Variants in CNTLN observed in about 807,000 individuals in gnomAD.
The protein encoded by CNTLN is centlein, centrosomal protein.
In CNTLN, 212 loss-of-function variants were observed where a neutral mutation model predicts 180.0. The observed-to-expected ratio is 1.18, with a 90% CI of 1.05 to 1.32. The LOEUF is 1.32. CNTLN is among the 40% of genes most tolerant of loss of function. The pLI is 0.00. For synonymous variants in CNTLN, 722 were observed against 563.1 expected (o/e 1.28, Z -3.99); for missense variants, 2,095 against 1,610.9 (o/e 1.30, Z -5.14).
rs35350865 is a variant in CNTLN at position 17,440,588 on chromosome 9, C to CAAAAAAAAA, written c.3115-16930_3115-16922dup. Among the ~76,000 whole-genome samples the CAAAAAAAAA allele has an allele frequency of 1.6e-4, 18 of 114,654 alleles. No individual in the cohort carries two copies. In the South Asian group the frequency reaches 5.3e-3, roughly 34 times the overall value. 75.2% of individuals were successfully genotyped at this position (114,654 alleles called of 152,430 possible). A position where few individuals can be genotyped will look rare whatever the true frequency, so the allele number is the denominator to read the frequency against. The stretch of plus-strand genomic sequence containing the variant: ...TGGGCGACGGAGCGAGACTCCGTCT[C>CAAAAAAAAA]AAAAAAAAAAAAAAGAACTGAAAAC... On this transcript the variant is annotated intron_variant, in intron 18 of 25. Transcript: ENST00000380647.
At chr9:17,523,979 T>C in the CNTLN span, among the ~76,000 whole-genome samples, 1 of 152,238 alleles carries the variant, frequency 6.6e-6, no homozygotes, top group Admixed American at 6.5e-5. Context: ...TGCTTTTTCC[T>C]CTTAGAAACG....
intron 13 of CNTLN, among the ~76,000 whole-genome samples, chr9:17,377,911 C>G (rs1273589768): frequency 6.6e-6 from 1 of 152,124 alleles, no homozygotes; most frequent in African/African-American, 2.4e-5. Flanking sequence ...ATAATTTGTT[C>G]TAGATCACAT....
intron 5 of CNTLN, among the ~76,000 whole-genome samples, chr9:17,259,142 C>T (rs1408859066): frequency 1.5e-4 from 22 of 145,306 alleles, no homozygotes; most frequent in Admixed American, 3.4e-4. Context: ...TTTTGAAATA[C>T]GTCCCATCAA....
At chr9:17,377,190 A>G (rs141665007) in intron 13 of CNTLN, among the ~76,000 whole-genome samples, 4 of 152,326 alleles carry the variant, frequency 2.6e-5, no homozygotes, top group African/African-American at 9.6e-5. Flanking sequence ...ACATTTTTAA[A>G]AGCCATGGCT....
chr9:17,275,892 A>G (rs751544715), intron 6 of CNTLN, among the ~76,000 whole-genome samples: 1 of 152,082 alleles, frequency 6.6e-6, no homozygotes, highest in African/African-American at 2.4e-5. Context: ...CAAAAAACCA[A>G]ATACTTCATG....
chr9:17,466,547 T>C (rs1187775417), intron 22 of CNTLN, among the ~76,000 whole-genome samples, 159 bp from the exon 23 acceptor site: 1 of 151,592 alleles, frequency 6.6e-6, no homozygotes, highest in Non-Finnish European at 1.5e-5. Flanking sequence ...GTACTTAGGA[T>C]GTTTTATTGA....
chr9:17,416,805 T>C (rs996574186), intron 18 of CNTLN, among the ~76,000 whole-genome samples: 2 of 152,152 alleles, frequency 1.3e-5, no homozygotes, highest in African/African-American at 4.8e-5. Flanking sequence ...GATTTTTTGT[T>C]CTTTAGGTCT....
intron 6 of CNTLN, among the ~76,000 whole-genome samples, chr9:17,285,312 T>C (rs1484784914): frequency 2.0e-5 from 3 of 150,732 alleles, no homozygotes; most frequent in Admixed American, 6.6e-5. Context: ...ATTTCATCCA[T>C]GTCCCTACAA....
At chr9:17,283,960 G>A (rs1464652521) in intron 6 of CNTLN, among the ~76,000 whole-genome samples, 1 of 152,100 alleles carries the variant, frequency 6.6e-6, no homozygotes, top group Non-Finnish European at 1.5e-5. Context: ...TGATCGTGGT[G>A]GATAAGCTTT....
chr9:17,264,714 A>T (rs375439042), intron 5 of CNTLN, among the ~76,000 whole-genome samples: 1 of 151,882 alleles, frequency 6.6e-6, no homozygotes, highest in Non-Finnish European at 1.5e-5. Context: ...CTTTTATTTC[A>T]TTGAGCAGTG....
chr9:17,164,955 C>T (rs948410130), intron 2 of CNTLN, among the ~76,000 whole-genome samples: 1 of 151,324 alleles, frequency 6.6e-6, no homozygotes, highest in Non-Finnish European at 1.5e-5. Context: ...CCTGCCTCAG[C>T]CTCCCAAGTA....
downstream of CNTLN, among the ~76,000 whole-genome samples, chr9:17,505,877 T>C (rs1833924826): frequency 6.6e-6 from 1 of 152,060 alleles, no homozygotes; most frequent in Non-Finnish European, 1.5e-5. Flanking sequence ...TCAAGGTGTA[T>C]TAAATAGCTA....
At chr9:17,418,566 G>A (rs1828449551) in intron 18 of CNTLN, among the ~76,000 whole-genome samples, 1 of 151,910 alleles carries the variant, frequency 6.6e-6, no homozygotes, top group South Asian at 2.1e-4. Flanking sequence ...ACTGAACTTA[G>A]GTAAACAGAT....
chr9:17,190,984 T>C (rs1409507295), intron 2 of CNTLN, among the ~76,000 whole-genome samples: 4 of 152,226 alleles, frequency 2.6e-5, no homozygotes, highest in Non-Finnish European at 5.9e-5. Flanking sequence ...CAGTTCATAA[T>C]GCCCTTACTA....
rs954209292 is a variant in CNTLN at position 17,341,166 on chromosome 9, G to C, written c.1766+218G>C. 3.3e-5 allele frequency among the ~76,000 whole-genome samples: 5 copies of C among 152,078 alleles called. No homozygotes were observed. The East Asian group carries it at 9.6e-4, about 29-fold the overall frequency. ...CTCACATTTGCAGATATCATTAGCA[G>C]TCAATGATTATGAATTATTGTACAC... On this transcript the variant is annotated intron_variant, in intron 11 of 25. Transcript: ENST00000380647.
In CNTLN at chr9:17,466,110, GA is replaced by G; in HGVS notation, c.3668del (p.Lys1223ArgfsTer8). 6 of 1,596,394 alleles carry G rather than the reference GA, an allele frequency of 3.8e-6. No individual in the cohort carries two copies. Among genetic ancestry groups the G allele is most frequent in the East Asian group, 2.3e-5 (1 of 44,392 alleles). ...GTATCAGAAATCTAAAGAGGAGTTAGAAAAAAAGGTATGCTTTTAAAAAGGG... is the reference window on the plus strand; with the variant it reads ...GTATCAGAAATCTAAAGAGGAGTTAGAAAAAAGGTATGCTTTTAAAAAGGG... The part of the protein sequence containing the change: ...QMYQKSKEEL[E>X]KKDLKLTLLV... On this transcript the variant is annotated frameshift_variant, in exon 22 of 26. Transcript: ENST00000380647. LOFTEE classifies it high-confidence loss of function.
chr9:17,342,200 A>G (rs1821535056), intron 11 of CNTLN, 125 bp from the exon 12 acceptor site: 5 of 940,256 alleles, frequency 5.3e-6, no homozygotes. Flanking sequence ...AATTCATTCA[A>G]TAAATGGTGA....
At chr9:17,278,034 A>G (rs1828423569) in intron 6 of CNTLN, among the ~76,000 whole-genome samples, 1 of 152,156 alleles carries the variant, frequency 6.6e-6, no homozygotes, top group Non-Finnish European at 1.5e-5. Flanking sequence ...GAAGCTGCCC[A>G]ATAAGACCAA....
the CNTLN span, among the ~76,000 whole-genome samples, chr9:17,513,392 A>G: frequency 3.9e-5 from 6 of 152,170 alleles, no homozygotes; most frequent in Non-Finnish European, 7.3e-5. Context: ...TAAATATAGA[A>G]CTTAAGAAAT....
Sources: allele counts gnomAD v4.1 joint callset (sites outside exome capture counted in the v4.1 genomes callset), GRCh38; gene constraint gnomAD v4.1.1; transcripts MANE v1.5; gene names NCBI Gene and HGNC (gene_info 2026-07-23, HGNC 2026-07-21).